The following NEK7 variants were observed in gnomAD, a reference collection of about 807,000 sequenced individuals.
The protein encoded by NEK7 is serine/threonine-protein kinase Nek7.
NEK7 carries 18 observed loss-of-function variants against 44.6 expected under a neutral mutation model. The observed-to-expected ratio is 0.40, with a 90% CI of 0.28 to 0.60. NEK7 has a LOEUF of 0.60. NEK7 is among the 20% of genes least tolerant of loss of function. NEK7 has a pLI of 0.38. For synonymous variants in NEK7, 130 were observed against 121.1 expected (o/e 1.07, Z -0.48); for missense variants, 256 against 366.5 (o/e 0.70, Z 2.46).
intron 7 of NEK7, among the ~76,000 whole-genome samples, chr1:198,287,763 A>T (rs1654421309): frequency 6.6e-6 from 1 of 151,066 alleles, no homozygotes; most frequent in Non-Finnish European, 1.5e-5. Flanking sequence ...TCTGATATTG[A>T]TCCTTGTGCT....
At chr1:198,222,465 G>T (rs1666098359) in intron 1 of NEK7, among the ~76,000 whole-genome samples, 1 of 151,972 alleles carries the variant, frequency 6.6e-6, no homozygotes, top group Admixed American at 6.6e-5. Flanking sequence ...TCTGTACTTT[G>T]TCCTTCCTGA....
chr1:198,210,792 G>A (rs375015416), intron 1 of NEK7, among the ~76,000 whole-genome samples: 42 of 110,128 alleles, frequency 3.8e-4, no homozygotes, highest in South Asian at 1.2e-3. Context: ...TCGCTCTGTC[G>A]CCCAGGCTGG....
chr1:198,163,975 TCA>T (rs1664186791), intron 1 of NEK7, among the ~76,000 whole-genome samples: 1 of 152,172 alleles, frequency 6.6e-6, no homozygotes, highest in Non-Finnish European at 1.5e-5. Context: ...GCACTGTGGC[TCA>T]CACCTGTAAT....
At chr1:198,236,483 C>T (rs527992549) in intron 2 of NEK7, among the ~76,000 whole-genome samples, 4 of 152,260 alleles carry the variant, frequency 2.6e-5, no homozygotes, top group East Asian at 3.9e-4. Context: ...TCATCCTTAG[C>T]GCATCCACTC....
chr1:198,322,313 T>C lies in NEK7; in HGVS notation c.*2791T>C, dbSNP rs1655554651. On this transcript the variant is annotated 3_prime_UTR_variant, in exon 10 of 10. Coordinates refer to ENST00000367385, the MANE Select transcript of NEK7 (RefSeq NM_133494.3). ...CATCTTTTGTGAAATACTTTTATTT[T>C]GTTATGCTTTAAATATACATACAAA... The C allele has an allele frequency of 6.6e-6, 1 of 152,202 alleles. No homozygotes were observed. Among genetic ancestry groups the C allele is most frequent in the Admixed American group, 6.5e-5 (1 of 15,288 alleles). 9.4% of individuals were successfully genotyped at this position (152,202 alleles called of 1,614,324 possible).
chr1:198,301,325 C>T (rs1316958240), intron 9 of NEK7, among the ~76,000 whole-genome samples: 6 of 151,844 alleles, frequency 4.0e-5, no homozygotes, highest in Non-Finnish European at 7.4e-5. Context: ...CCGAGGCGGG[C>T]GGATCACGAA....
intron 2 of NEK7, among the ~76,000 whole-genome samples, chr1:198,234,492 C>T (rs1666491372): frequency 6.6e-6 from 1 of 152,026 alleles, no homozygotes; most frequent in Non-Finnish European, 1.5e-5. Context: ...TTAGGTAGTT[C>T]ATGTTATGAT....
At chr1:198,282,155 T>C (rs549768349) in intron 7 of NEK7, among the ~76,000 whole-genome samples, 44 of 152,098 alleles carry the variant, frequency 2.9e-4, no homozygotes, top group Non-Finnish European at 5.0e-4. Flanking sequence ...CAACAATTAC[T>C]TCACATTTGG....
intron 1 of NEK7, among the ~76,000 whole-genome samples, chr1:198,229,769 A>G (rs1346697017): frequency 6.6e-6 from 1 of 152,218 alleles, no homozygotes; most frequent in Non-Finnish European, 1.5e-5. Flanking sequence ...AGAATTTTAT[A>G]TCTGAGCAGA....
At chr1:198,279,287 AAAAAATG>A (rs1654116922) in intron 7 of NEK7, among the ~76,000 whole-genome samples, 1 of 152,030 alleles carries the variant, frequency 6.6e-6, no homozygotes, top group Non-Finnish European at 1.5e-5. Flanking sequence ...GAGTTAAAAA[AAAAAATG>A]CTGATAAGTC....
chr1:198,171,420 C>A (rs1664435691), intron 1 of NEK7, among the ~76,000 whole-genome samples: 1 of 152,058 alleles, frequency 6.6e-6, no homozygotes, highest in Non-Finnish European at 1.5e-5. Flanking sequence ...GTGGCTCATG[C>A]CTGTAATCCC....
At chr1:198,201,143 G>A (rs1665419237) in intron 1 of NEK7, among the ~76,000 whole-genome samples, 1 of 152,108 alleles carries the variant, frequency 6.6e-6, no homozygotes, top group South Asian at 2.1e-4. Context: ...AAGTGGAAGA[G>A]GGTGCTGTTT....
At chr1:198,191,797 G>T (rs937135984) in intron 1 of NEK7, among the ~76,000 whole-genome samples, 1 of 151,988 alleles carries the variant, frequency 6.6e-6, no homozygotes, top group Non-Finnish European at 1.5e-5. Flanking sequence ...GTACAAGGTG[G>T]TAATCCTTTG....
chr1:198,298,530 A>G (rs528810395), intron 9 of NEK7, among the ~76,000 whole-genome samples: 47 of 152,326 alleles, frequency 3.1e-4, no homozygotes, highest in Non-Finnish European at 4.7e-4. Context: ...TGTTAATACT[A>G]TTATGTTAGC....
At chr1:198,288,050 C>T (rs1043517547) in intron 7 of NEK7, among the ~76,000 whole-genome samples, 24 of 152,150 alleles carry the variant, frequency 1.6e-4, no homozygotes, top group Admixed American at 8.5e-4. Flanking sequence ...TTGAACCAGG[C>T]ATTAAAACAG....
intron 1 of NEK7, among the ~76,000 whole-genome samples, chr1:198,221,969 C>G (rs1004688867): frequency 4.6e-5 from 7 of 150,898 alleles, no homozygotes; most frequent in Non-Finnish European, 8.9e-5. Context: ...AGAACTGTAT[C>G]ATTTGTAATA....
rs1654451600 is a variant in NEK7, at chr1:198,288,569, G to A, written c.590-4376G>A. Among the ~76,000 whole-genome samples the A allele has an allele frequency of 3.9e-5, 6 of 152,166 alleles. No homozygotes were observed. In the South Asian group the frequency reaches 1.0e-3, roughly 26 times the overall value. ...AGAACTACTTAGGTTTGAATTCCAGGTCTACAGCTTACCAGTTTTATGATC... is the reference window on the plus strand; with the variant it reads ...AGAACTACTTAGGTTTGAATTCCAGATCTACAGCTTACCAGTTTTATGATC... On this transcript the variant is annotated intron_variant, in intron 7 of 9. Transcript: ENST00000367385.
intron 1 of NEK7, among the ~76,000 whole-genome samples, chr1:198,199,265 A>G (rs1341346097): frequency 1.3e-5 from 2 of 152,232 alleles, no homozygotes; most frequent in African/African-American, 4.8e-5. Flanking sequence ...TGCAGCTAGA[A>G]CAGCCCTTCA....
rs1470130229 is a variant in NEK7, at chr1:198,321,094, T to C, written c.*1572T>C. 1 of 152,214 alleles carries C rather than the reference T, an allele frequency of 6.6e-6. No homozygotes were observed. Among genetic ancestry groups the C allele is most frequent in the Non-Finnish European group, 1.5e-5 (1 of 68,018 alleles). 9.4% of individuals were successfully genotyped at this position (152,214 alleles called of 1,614,324 possible). A position where few individuals can be genotyped will look rare whatever the true frequency, so the allele number is the denominator to read the frequency against. On this transcript the variant is annotated 3_prime_UTR_variant, in exon 10 of 10. Transcript: ENST00000367385. ...ACCTCATGTTCAAAGAACACTTCCC[T>C]TTAGCCGATGTAACTGCTGGTTTTG...
Sources: allele counts gnomAD v4.1 joint callset (sites outside exome capture counted in the v4.1 genomes callset), GRCh38; gene constraint gnomAD v4.1.1; transcripts MANE v1.5; gene names NCBI Gene and HGNC (gene_info 2026-07-23, HGNC 2026-07-21).